The following FHIT variants were observed in gnomAD, a reference collection of about 807,000 sequenced individuals.
FHIT encodes fragile histidine triad diadenosine triphosphatase.
Under a neutral mutation model 17.9 loss-of-function variants are expected in FHIT, and 19 were observed. The observed-to-expected ratio is 1.06, with a 90% CI of 0.74 to 1.56. The LOEUF (loss-of-function observed/expected upper bound fraction) is 1.56. FHIT is among the 40% of genes most tolerant of loss of function. The pLI is 0.00. For missense variants in FHIT, 248 were observed against 189.2 expected (o/e 1.31, Z -1.82); for synonymous variants, 81 against 69.7 (o/e 1.16, Z -0.81).
In FHIT at chr3:61,139,371, C is replaced by A. The variant is rs186611102; in HGVS notation, c.-164+61246G>T. 5.2e-3 allele frequency among the ~76,000 whole-genome samples: 796 copies of A among 152,240 alleles called. 1 individual carries two copies. Among genetic ancestry groups the A allele is most frequent in the Non-Finnish European group, 8.9e-3 (607 of 68,008 alleles). On this transcript the variant is annotated intron_variant, in intron 2 of 9. Coordinates refer to ENST00000492590, the MANE Select transcript of FHIT (RefSeq NM_002012.4). ...TAGACCAGTACATCTTTGCTATGAA[C>A]TGAATGTCTGTGTCCCCTCAAAATT...
chr3:61,041,072 T>C (rs961354200), intron 3 of FHIT, among the ~76,000 whole-genome samples: 11 of 152,144 alleles, frequency 7.2e-5, no homozygotes, highest in Non-Finnish European at 1.3e-4. Flanking sequence ...CAAGGTTTAA[T>C]AACCTCATAT....
chr3:60,780,138 C>T (rs1269355873), intron 4 of FHIT, among the ~76,000 whole-genome samples: 1 of 152,158 alleles, frequency 6.6e-6, no homozygotes, highest in African/African-American at 2.4e-5. Context: ...TGCCTGCTCC[C>T]CTCTTTCTAG....
chr3:60,007,045 A>G (rs1209078500), intron 7 of FHIT, among the ~76,000 whole-genome samples: 1 of 152,216 alleles, frequency 6.6e-6, no homozygotes, highest in Admixed American at 6.5e-5. Flanking sequence ...ATTTCTAAGT[A>G]GAAGATTCAA....
intron 4 of FHIT, among the ~76,000 whole-genome samples, chr3:60,559,055 A>G (rs190837508): frequency 1.3e-5 from 2 of 152,256 alleles, no homozygotes; most frequent in East Asian, 3.9e-4. Flanking sequence ...ATATCTAAAG[A>G]CCGCATTTTT....
chr3:60,098,816 A>T (rs1704073304), intron 5 of FHIT, among the ~76,000 whole-genome samples: 1 of 151,908 alleles, frequency 6.6e-6, no homozygotes, highest in South Asian at 2.1e-4. Context: ...TGTTATCAGT[A>T]AGGCTTCTGG....
At chr3:61,230,883 T>G (rs1349080408) in intron 1 of FHIT, among the ~76,000 whole-genome samples, 2 of 152,204 alleles carry the variant, frequency 1.3e-5, no homozygotes, top group Non-Finnish European at 2.9e-5. Context: ...ATTTGATTCC[T>G]ACACTAATAT....
At chr3:60,587,798 T>C (rs560741946) in intron 4 of FHIT, among the ~76,000 whole-genome samples, 1 of 152,168 alleles carries the variant, frequency 6.6e-6, no homozygotes, top group East Asian at 1.9e-4. Flanking sequence ...TATTTTATCC[T>C]CTGACCATGG....
intron 8 of FHIT, among the ~76,000 whole-genome samples, chr3:59,869,259 T>C (rs1033339920): frequency 6.6e-6 from 1 of 152,134 alleles, no homozygotes; most frequent in Non-Finnish European, 1.5e-5. Context: ...CTAGTTTAGC[T>C]CTTTCTACCA....
intron 8 of FHIT, among the ~76,000 whole-genome samples, chr3:59,761,579 C>A (rs981850083): frequency 1.3e-5 from 2 of 152,050 alleles, no homozygotes; most frequent in Non-Finnish European, 2.9e-5. Context: ...ACAGAAGATC[C>A]CTGCTTGCAG....
intron 4 of FHIT, among the ~76,000 whole-genome samples, chr3:60,564,213 T>C (rs959687881): frequency 4.6e-5 from 7 of 152,144 alleles, no homozygotes; most frequent in Admixed American, 1.3e-4. Flanking sequence ...CATCTGTCTG[T>C]TGCATGATTT....
intron 2 of FHIT, among the ~76,000 whole-genome samples, chr3:61,048,196 G>A (rs1235289725): frequency 6.6e-6 from 1 of 152,144 alleles, no homozygotes; most frequent in South Asian, 2.1e-4. Flanking sequence ...GCAACCTACA[G>A]AATGGGAGAA....
chr3:60,639,942 G>A (rs2107789172), intron 4 of FHIT, among the ~76,000 whole-genome samples: 2 of 152,204 alleles, frequency 1.3e-5, no homozygotes, highest in South Asian at 4.2e-4. Context: ...CCATACAATG[G>A]AATACTATTC....
At chr3:60,021,100 A>G (rs1700537383) in intron 5 of FHIT, among the ~76,000 whole-genome samples, 1 of 152,214 alleles carries the variant, frequency 6.6e-6, no homozygotes, top group African/African-American at 2.4e-5. Context: ...GAATATGATA[A>G]ATTCCAGAGC....
At chr3:60,207,612 G>A (rs761002882) in intron 5 of FHIT, among the ~76,000 whole-genome samples, 4 of 152,158 alleles carry the variant, frequency 2.6e-5, no homozygotes, top group Admixed American at 6.5e-5. Context: ...TTAATATGGC[G>A]GTGATGAGAA....
chr3:61,101,532 G>A (rs933059012), intron 2 of FHIT, among the ~76,000 whole-genome samples: 3 of 152,102 alleles, frequency 2.0e-5, no homozygotes, highest in African/African-American at 7.2e-5. Flanking sequence ...GGATTGTCTT[G>A]GCAATGCAGG....
At chr3:59,916,028 T>G (rs1401540469) in intron 8 of FHIT, among the ~76,000 whole-genome samples, 1 of 152,090 alleles carries the variant, frequency 6.6e-6, no homozygotes, top group African/African-American at 2.4e-5. Flanking sequence ...GACTGAAGGA[T>G]GCAAAGTATT....
At chr3:59,749,629 A>ATCT (rs1700775200) in intron 9 of FHIT, 50 bp from the exon 10 acceptor site, 1 of 230,782 alleles carries the variant, frequency 4.3e-6, no homozygotes, top group Admixed American at 5.6e-5. Context: ...AACATCAGAA[A>ATCT]TCTTCTCTGT....
intron 5 of FHIT, among the ~76,000 whole-genome samples, chr3:60,431,674 C>T (rs1472146886): frequency 2.0e-5 from 3 of 152,054 alleles, no homozygotes; most frequent in Admixed American, 6.6e-5. Flanking sequence ...TTACCAAAGT[C>T]GGGAGTCTGC....
chr3:60,257,032 C>T (rs916836416), intron 5 of FHIT, among the ~76,000 whole-genome samples: 1 of 152,196 alleles, frequency 6.6e-6, no homozygotes, highest in African/African-American at 2.4e-5. Flanking sequence ...ACTTTGACCT[C>T]CTTCCTTCCT....
Sources: gnomAD v4.1 joint callset for allele counts (sites outside exome capture counted in the v4.1 genomes callset) on GRCh38, gnomAD v4.1.1 for gene constraint, MANE v1.5 for transcripts, NCBI Gene and HGNC (gene_info 2026-07-23, HGNC 2026-07-21) for gene names.